ROCK2: variants seen among roughly 807,000 people sequenced by gnomAD.
ROCK2 encodes rho-associated protein kinase 2.
A neutral mutation model predicts 195.1 loss-of-function variants in ROCK2; 61 were observed. That is an observed-to-expected ratio of 0.31 (90% CI 0.25 to 0.39). ROCK2 has a LOEUF of 0.39. Ranked by LOEUF, ROCK2 falls within the 10% of genes least tolerant of loss-of-function variation. ROCK2 has a pLI of 1.00. For missense variants in ROCK2, 1,109 were observed against 1,637.4 expected, an observed-to-expected ratio of 0.68 and a Z score of 5.57; for synonymous variants, 504 against 545.5, an observed-to-expected ratio of 0.92 and a Z score of 1.06.
At chr2:11,323,544 T>C (rs1198429322) in intron 1 of ROCK2, among the ~76,000 whole-genome samples, 1 of 152,178 alleles carries the variant, frequency 6.6e-6, no homozygotes, top group African/African-American at 2.4e-5. Flanking sequence ...AGGTTTCTCA[T>C]TATGTTTGCA....
At chr2:11,193,727 G>GA (rs949317003) in intron 30 of ROCK2, 52 bp downstream of exon 30, 177 of 1,100,248 alleles carry the variant, frequency 1.6e-4, no homozygotes, top group Non-Finnish European at 2.1e-4. Flanking sequence ...TTCTAAATGT[G>GA]AAAAAAACAA....
intron 4 of ROCK2, among the ~76,000 whole-genome samples, chr2:11,240,760 T>C (rs1665395493): frequency 6.6e-6 from 1 of 152,262 alleles, no homozygotes; most frequent in South Asian, 2.1e-4. Context: ...AATTTTATGC[T>C]ATGCAAATTA....
At chr2:11,263,949 AT>A (rs1237824404) in intron 3 of ROCK2, among the ~76,000 whole-genome samples, 13 of 150,368 alleles carry the variant, frequency 8.6e-5, no homozygotes, top group African/African-American at 3.2e-4. Context: ...CTAACTCAAT[AT>A]AAGGAGGTGG....
In ROCK2 at chr2:11,343,543, G is replaced by A. The variant is rs146703487; in HGVS notation, c.141+453C>T. Among the ~76,000 whole-genome samples the A allele has an allele frequency of 3.3e-5, 5 of 152,334 alleles. No individual in the cohort carries two copies. In the East Asian group the frequency reaches 5.8e-4, roughly 18 times the overall value. On this transcript the variant is annotated intron_variant, in intron 1 of 32. Coordinates refer to ENST00000315872, the MANE Select transcript of ROCK2 (RefSeq NM_004850.5). ...CAAGATTTCAGACTAAAAGGAGAGA[G>A]TGAGGGCGGCTCTTTGTCATGTACC...
chr2:11,316,565 T>G (rs1668199235), intron 1 of ROCK2, among the ~76,000 whole-genome samples: 2 of 152,194 alleles, frequency 1.3e-5, no homozygotes, highest in Admixed American at 6.6e-5. Context: ...GGCATGTGTC[T>G]CTTCTACCAG....
chr2:11,238,209 AGTGTGTGTGTGTGT>A (rs6146630), intron 4 of ROCK2, among the ~76,000 whole-genome samples: 1 of 135,364 alleles, frequency 7.4e-6, no homozygotes, highest in Non-Finnish European at 1.6e-5. Context: ...ATTGAGAAAG[AGTGTGTGTGTGTGT>A]GTGTGTGTGT....
chr2:11,249,629 G>C (rs771051751), intron 4 of ROCK2, 32 bp downstream of exon 4: 1 of 1,418,628 alleles, frequency 7.0e-7, no homozygotes, highest in African/African-American at 1.5e-5. Flanking sequence ...CATAAAAAAA[G>C]GAAATAAACT....
intron 1 of ROCK2, among the ~76,000 whole-genome samples, chr2:11,339,567 T>C (rs1669041307): frequency 2.7e-5 from 4 of 149,304 alleles, no homozygotes; most frequent in Admixed American, 2.7e-4. Flanking sequence ...GAAAGAAAAC[T>C]GTAAATATCC....
chr2:11,285,261 TAAA>T (rs35144359), intron 3 of ROCK2, among the ~76,000 whole-genome samples: 8 of 117,224 alleles, frequency 6.8e-5, no homozygotes, highest in South Asian at 2.9e-4. Context: ...AAACTCTGTC[TAAA>T]AAAAAAAAAA....
rs1385540412 is a variant in ROCK2, at chr2:11,201,034, T to C, written c.2833A>G (p.Met945Val). 4 of 1,613,720 alleles carry C rather than the reference T, an allele frequency of 2.5e-6. No homozygotes were observed. Among genetic ancestry groups the C allele is most frequent in the South Asian group, 2.2e-5 (2 of 90,944 alleles). Residue 945 changes from methionine (M) to valine (V), a missense_variant, in exon 23 of 33, where the codon ATG becomes GTG. This residue lies in a region of ROCK2 where 542 missense variants were observed against 672.0 expected (regional missense o/e 0.81). Coordinates refer to ENST00000315872, the MANE Select transcript of ROCK2 (RefSeq NM_004850.5). The surrounding 1 kb of genome is among the most constrained non-coding windows in gnomAD (Gnocchi z 4.6). ...QYSDLEKEKI[M>V]KELEIKEMMA... ...ATCTCTTTGATCTCCAGCTCTTTCA[T>C]GATCTTCTCTTTTTCCAAATCAGAA...
chr2:11,344,722 C>G (rs1483951107), upstream of ROCK2: 1 of 148,958 alleles, frequency 6.7e-6, no homozygotes, highest in Non-Finnish European at 1.5e-5. This position sits in a 1 kb window ranked among gnomAD's most constrained non-coding sequence, Gnocchi z 5.4. Flanking sequence ...CGCTCCGCCC[C>G]GCCCCGCCCC....
rs918188501 is a variant in ROCK2 at position 11,192,024 on chromosome 2, A to T, written c.4163+124T>A. On this transcript the variant is annotated intron_variant, in intron 32 of 32. Transcript: ENST00000315872. This position sits in a 1 kb window ranked among gnomAD's most constrained non-coding sequence, Gnocchi z 5.0. ...CATTAAGACAGTTCCAACATTTGGT[A>T]TTCCATAGTTAACTAAAATACAAAG... 5.0e-5 allele frequency: 33 copies of T among 657,078 alleles called. No homozygotes were observed. The highest frequency in any genetic ancestry group is 8.5e-4 in the Middle Eastern group (2 of 2,366). 40.7% of individuals were successfully genotyped at this position (657,078 alleles called of 1,614,324 possible). A position where few individuals can be genotyped will look rare whatever the true frequency, so the allele number is the denominator to read the frequency against.
chr2:11,211,950 G>A (rs1572249295), intron 17 of ROCK2, 110 bp from the exon 18 acceptor site: 2 of 783,624 alleles, frequency 2.6e-6, no homozygotes, highest in Non-Finnish European at 3.8e-6. Context: ...CTGTTACCCA[G>A]GCTGAAGTGC....
rs933168127 is a variant in ROCK2, at chr2:11,344,237, C to G, written c.-101G>C. 7.6e-7 allele frequency: 1 copy of G among 1,310,922 alleles called. No individual in the cohort carries two copies. The highest frequency in any genetic ancestry group is 9.7e-7 in the Non-Finnish European group (1 of 1,033,798). The allele number at this position is 1,310,922 out of a possible 1,614,324, so 81.2% of individuals were successfully genotyped here. On this transcript the variant is annotated 5_prime_UTR_variant, in exon 1 of 33. Transcript: ENST00000315872. This position sits in a 1 kb window ranked among gnomAD's most constrained non-coding sequence, Gnocchi z 5.4. ...ACCACCAGCTCCGGCCGGGACTCCACCCGGGCCCACCGCCTGCCTCTAGCT... is the reference window on the plus strand; with the variant it reads ...ACCACCAGCTCCGGCCGGGACTCCAGCCGGGCCCACCGCCTGCCTCTAGCT...
chr2:11,263,803 G>T (rs1380595628), intron 3 of ROCK2, among the ~76,000 whole-genome samples: 1 of 151,162 alleles, frequency 6.6e-6, no homozygotes, highest in Non-Finnish European at 1.5e-5. Context: ...GGGCCAGGAT[G>T]AAGTTTTCAT....
At chr2:11,184,221 T>C (rs1292513993) in intron 32 of ROCK2, among the ~76,000 whole-genome samples, 2 of 152,198 alleles carry the variant, frequency 1.3e-5, no homozygotes, top group Non-Finnish European at 2.9e-5. Context: ...ACAGCACTTA[T>C]TAGACTTATA....
intron 1 of ROCK2, among the ~76,000 whole-genome samples, chr2:11,329,072 A>T (rs918152895): frequency 7.1e-6 from 1 of 140,582 alleles, no homozygotes; most frequent in African/African-American, 2.5e-5. Flanking sequence ...TATAATAATA[A>T]TTTTTTTAAA....
Position 11,249,701 on chromosome 2 carries a change from CT to C in ROCK2, c.421del (p.Arg141GlufsTer28). The C allele has an allele frequency of 6.3e-7, 1 of 1,580,520 alleles. No individual in the cohort carries two copies. Among genetic ancestry groups the C allele is most frequent in the Non-Finnish European group, 8.6e-7 (1 of 1,165,352 alleles). On this transcript the variant is annotated frameshift_variant, in exon 4 of 33. Transcript: ENST00000315872. LOFTEE classifies it high-confidence loss of function. The part of the protein sequence containing the change: ...RSDSAFFWEE[R>X]DIMAFANSPW... ...GCTATTGGCAAAGGCCATAATATCT[CT>C]TTCTTCCCAAAAAAAGGCAGAATCT... is the stretch of plus-strand genomic sequence containing the variant.
chr2:11,238,209 A>AGAGTGTGTGTGTGT (rs1553303927), intron 4 of ROCK2, among the ~76,000 whole-genome samples: 1 of 135,266 alleles, frequency 7.4e-6, no homozygotes, highest in Non-Finnish European at 1.6e-5. Context: ...ATTGAGAAAG[A>AGAGTGTGTGTGTGT]GTGTGTGTGT....
Sources: allele counts gnomAD v4.1 joint callset (sites outside exome capture counted in the v4.1 genomes callset), GRCh38; gene constraint gnomAD v4.1.1; regional missense constraint gnomAD v4.1.1; non-coding constraint Gnocchi (gnomAD v3.1); transcripts MANE v1.5; gene names NCBI Gene and HGNC (gene_info 2026-07-23, HGNC 2026-07-21).